Variants in TMEM132D observed in about 807,000 individuals in gnomAD.
TMEM132D encodes mature OL transmembrane protein.
Under a neutral mutation model 62.3 loss-of-function variants are expected in TMEM132D, and 21 were observed. That is an observed-to-expected ratio of 0.34 (90% CI 0.24 to 0.49). TMEM132D has a LOEUF of 0.49. Among genes scored for constraint, TMEM132D ranks in the 20% least tolerant of loss-of-function variants. The pLI, the probability that TMEM132D is intolerant of heterozygous loss-of-function variation, is 0.99. For missense variants in TMEM132D, 1,346 were observed against 1,402.8 expected (o/e 0.96, Z 0.65); for synonymous variants, 621 against 575.6 (o/e 1.08, Z -1.13).
chr12:129,440,937 T>A (rs551724084), intron 3 of TMEM132D, among the ~76,000 whole-genome samples: 1 of 152,292 alleles, frequency 6.6e-6, no homozygotes, highest in African/African-American at 2.4e-5. Context: ...TCATGTGGGT[T>A]TTTAGATCGG....
chr12:129,506,099 T>C (rs1875321591), intron 3 of TMEM132D, among the ~76,000 whole-genome samples: 1 of 152,226 alleles, frequency 6.6e-6, no homozygotes, highest in Admixed American at 6.5e-5. Context: ...TTTTTTATTG[T>C]AATTTTTGTT....
intron 5 of TMEM132D, among the ~76,000 whole-genome samples, chr12:129,203,117 C>T (rs1201014371): frequency 6.6e-6 from 1 of 152,176 alleles, no homozygotes; most frequent in African/African-American, 2.4e-5. Flanking sequence ...GTATCAATCG[C>T]TGAGTGTCAG....
rs796589336 is a variant in TMEM132D, at chr12:129,280,237, A to G, written c.1299+57397T>C. 2.0e-4 allele frequency among the ~76,000 whole-genome samples: 31 copies of G among 152,348 alleles called. 1 individual carries two copies. Among genetic ancestry groups the G allele is most frequent in the African/African-American group, 7.5e-4 (31 of 41,582 alleles). On this transcript the variant is annotated intron_variant, in intron 4 of 8. Coordinates refer to ENST00000422113, the MANE Select transcript of TMEM132D (RefSeq NM_133448.3). The stretch of plus-strand genomic sequence containing the variant: ...GAGTGCCATCTTGTTGAATTCTTTT[A>G]GTACTCTCTTCATCCCTCTAATTTG...
intron 1 of TMEM132D, chr12:129,853,195 G>T (rs984928426): frequency 3.9e-5 from 6 of 152,344 alleles, no homozygotes; most frequent in Non-Finnish European, 2.9e-5. Flanking sequence ...CACAGTCACA[G>T]AGGGAAAGGG....
At chr12:129,459,572 A>C (rs991568520) in intron 3 of TMEM132D, among the ~76,000 whole-genome samples, 3 of 152,148 alleles carry the variant, frequency 2.0e-5, no homozygotes, top group Non-Finnish European at 2.9e-5. Context: ...AATTCTAGAG[A>C]AGTGGCCAGG....
intron 5 of TMEM132D, among the ~76,000 whole-genome samples, chr12:129,126,368 T>C (rs554622445): frequency 6.6e-6 from 1 of 152,030 alleles, no homozygotes; most frequent in South Asian, 2.1e-4. Flanking sequence ...CTTTTTTTTT[T>C]TTTTTAGCAA....
chr12:129,878,315 C>A (rs540955012), intron 1 of TMEM132D, among the ~76,000 whole-genome samples: 10 of 152,148 alleles, frequency 6.6e-5, no homozygotes, highest in Admixed American at 1.3e-4. Flanking sequence ...CTTTACGTTA[C>A]TGTAATTAAG....
At chr12:129,752,313 C>T (rs1037268104) in intron 1 of TMEM132D, among the ~76,000 whole-genome samples, 3 of 152,156 alleles carry the variant, frequency 2.0e-5, no homozygotes, top group Non-Finnish European at 4.4e-5. Context: ...GTAAAAAACT[C>T]CAAGAGTGTG....
At chr12:129,327,223 C>G (rs934568212) in intron 4 of TMEM132D, among the ~76,000 whole-genome samples, 1 of 152,102 alleles carries the variant, frequency 6.6e-6, no homozygotes, top group Non-Finnish European at 1.5e-5. Flanking sequence ...GGCGGGGCAG[C>G]CTGTTCCATG....
At chr12:129,343,338 C>T (rs1422667933) in intron 3 of TMEM132D, among the ~76,000 whole-genome samples, 2 of 151,734 alleles carry the variant, frequency 1.3e-5, no homozygotes, top group Non-Finnish European at 2.9e-5. Flanking sequence ...AGAAAAACAA[C>T]CACCGCATGT....
chr12:129,178,745 C>T (rs1220269895), intron 5 of TMEM132D, among the ~76,000 whole-genome samples: 2 of 152,006 alleles, frequency 1.3e-5, no homozygotes, highest in African/African-American at 4.8e-5. Context: ...CAAAAATGGC[C>T]CCAAATTCCT....
chr12:129,309,030 G>T (rs1301608258), intron 4 of TMEM132D, among the ~76,000 whole-genome samples: 1 of 152,042 alleles, frequency 6.6e-6, no homozygotes, highest in Non-Finnish European at 1.5e-5. Flanking sequence ...TAATCCATAG[G>T]GTACTCTTCA....
At chr12:129,631,084 A>G (rs1486690330) in intron 2 of TMEM132D, among the ~76,000 whole-genome samples, 9 of 152,114 alleles carry the variant, frequency 5.9e-5, no homozygotes, top group Non-Finnish European at 1.0e-4. Context: ...TGCTAGAATT[A>G]TCATTATTAT....
chr12:129,293,287 C>T (rs940741188), intron 4 of TMEM132D, among the ~76,000 whole-genome samples: 4 of 152,076 alleles, frequency 2.6e-5, no homozygotes, highest in Admixed American at 6.6e-5. Context: ...AGCAGCAGAG[C>T]CAATGCATTA....
intron 3 of TMEM132D, among the ~76,000 whole-genome samples, chr12:129,355,450 A>T (rs923536673): frequency 6.6e-6 from 1 of 152,094 alleles, no homozygotes; most frequent in African/African-American, 2.4e-5. Flanking sequence ...GGAAGCGGAG[A>T]GTGAAATTCT....
intron 3 of TMEM132D, among the ~76,000 whole-genome samples, chr12:129,498,571 C>T (rs1164534802): frequency 1.3e-5 from 2 of 152,150 alleles, no homozygotes; most frequent in East Asian, 1.9e-4. Context: ...AGAAACAATG[C>T]TAACTGTAAT....
chr12:129,568,957 A>G (rs931815524), intron 2 of TMEM132D, among the ~76,000 whole-genome samples: 1 of 152,174 alleles, frequency 6.6e-6, no homozygotes, highest in African/African-American at 2.4e-5. Flanking sequence ...ATTAAATCAC[A>G]GAAGGTTGGG....
At chr12:129,491,146 C>T (rs1030272647) in intron 3 of TMEM132D, among the ~76,000 whole-genome samples, 1 of 152,132 alleles carries the variant, frequency 6.6e-6, no homozygotes, top group African/African-American at 2.4e-5. Flanking sequence ...GTTAGGCTTA[C>T]TTGCATGGGG....
chr12:129,078,836 CA>C (rs1874360924), intron 7 of TMEM132D, 111 bp from the exon 8 acceptor site: 1 of 1,091,822 alleles, frequency 9.2e-7, no homozygotes, highest in South Asian at 1.4e-5. Context: ...ACATGTGAGC[CA>C]GAATGAATGA....
Sources: allele counts gnomAD v4.1 joint callset (sites outside exome capture counted in the v4.1 genomes callset), GRCh38; gene constraint gnomAD v4.1.1; transcripts MANE v1.5; gene names NCBI Gene and HGNC (gene_info 2026-07-23, HGNC 2026-07-21).